Variants in PLEKHA5 observed in about 807,000 individuals in gnomAD.
PLEKHA5 encodes pleckstrin homology domain containing A5, also known as pleckstrin homology domain-containing family A member 5.
In PLEKHA5, 55 loss-of-function variants were observed where a neutral mutation model predicts 181.9. The ratio of observed to expected loss-of-function variants is 0.30; its 90% CI spans 0.24 to 0.38. The LOEUF is 0.38. Ranked by LOEUF, PLEKHA5 falls within the 10% of genes least tolerant of loss-of-function variation. The pLI is 1.00. For synonymous variants in PLEKHA5, 535 were observed against 529.4 expected (o/e 1.01, Z -0.15); for missense variants, 1,432 against 1,549.5 (o/e 0.92, Z 1.27).
intron 3 of PLEKHA5, among the ~76,000 whole-genome samples, chr12:19,252,881 G>A (rs1367369931): frequency 2.0e-5 from 3 of 151,342 alleles, no homozygotes; most frequent in East Asian, 3.9e-4. Context: ...GTACTGTTAG[G>A]TTTTCTTTCC....
chr12:19,370,034 C>A (rs1182660528), intron 31 of PLEKHA5, among the ~76,000 whole-genome samples: 2 of 152,220 alleles, frequency 1.3e-5, no homozygotes, highest in Admixed American at 1.3e-4. Context: ...TCCAGAAAAA[C>A]AACAAAATTT....
intron 15 of PLEKHA5, among the ~76,000 whole-genome samples, chr12:19,297,973 A>C (rs1350891218): frequency 6.6e-6 from 1 of 152,114 alleles, no homozygotes; most frequent in Non-Finnish European, 1.5e-5. Context: ...TGGGAGGCCA[A>C]GGTGGGTGGA....
At chr12:19,172,730 A>G (rs2046201826) in intron 3 of PLEKHA5, among the ~76,000 whole-genome samples, 1 of 152,160 alleles carries the variant, frequency 6.6e-6, no homozygotes, top group Admixed American at 6.5e-5. Flanking sequence ...CACCATCATT[A>G]TTCTTATTTT....
chr12:19,342,625 A>G (rs946590440), intron 21 of PLEKHA5, among the ~76,000 whole-genome samples: 1 of 151,960 alleles, frequency 6.6e-6, no homozygotes, highest in African/African-American at 2.4e-5. Context: ...CGTTGCACAA[A>G]ATACAAAAAT....
At position 19,245,826 on chromosome 12, in the gene PLEKHA5, T is replaced by A. The variant is rs545949361; in HGVS notation, c.228-8114T>A. On this transcript the variant is annotated intron_variant, in intron 3 of 31. Transcript: ENST00000429027. ...AGCAGCCACCTTGGGCTTGAGAGGA[T>A]GCCTAACTAAAAGGCACAGGGCAAC... Among the ~76,000 whole-genome samples, 25 of 150,538 alleles carry A rather than the reference T, an allele frequency of 1.7e-4. No individual in the cohort carries two copies. The South Asian group carries it at 5.3e-3, about 32-fold the overall frequency.
intron 3 of PLEKHA5, among the ~76,000 whole-genome samples, chr12:19,191,589 A>G (rs1311319173): frequency 6.6e-6 from 1 of 152,238 alleles, no homozygotes; most frequent in East Asian, 1.9e-4. Context: ...CTAATTAGAT[A>G]CAGGTATATC....
chr12:19,183,659 C>A (rs909312672), intron 3 of PLEKHA5, among the ~76,000 whole-genome samples: 4 of 152,124 alleles, frequency 2.6e-5, no homozygotes, highest in South Asian at 2.1e-4. Flanking sequence ...CTTGGTGTTT[C>A]AAGGAACAGC....
chr12:19,338,022 G>A (rs375045490), intron 21 of PLEKHA5, among the ~76,000 whole-genome samples: 25 of 143,356 alleles, frequency 1.7e-4, no homozygotes, highest in African/African-American at 6.6e-4. Flanking sequence ...CAAGGGCGAA[G>A]CTCCATCTCA....
intron 7 of PLEKHA5, among the ~76,000 whole-genome samples, chr12:19,265,193 A>C (rs2069922116): frequency 6.6e-6 from 1 of 152,232 alleles, no homozygotes; most frequent in Non-Finnish European, 1.5e-5. Flanking sequence ...TTGAGCATCT[A>C]CCACTGTCAT....
intron 3 of PLEKHA5, among the ~76,000 whole-genome samples, chr12:19,182,762 G>A (rs1034735184): frequency 6.6e-6 from 1 of 152,146 alleles, no homozygotes; most frequent in African/African-American, 2.4e-5. Flanking sequence ...AACCCAACAA[G>A]TATAATATTA....
At chr12:19,221,438 G>A (rs1388771438) in intron 3 of PLEKHA5, among the ~76,000 whole-genome samples, 1 of 152,082 alleles carries the variant, frequency 6.6e-6, no homozygotes, top group Non-Finnish European at 1.5e-5. Context: ...TCTGGAAATG[G>A]CAAAACTATA....
rs181742922 is a variant in PLEKHA5, at chr12:19,369,802, C to T, written c.*11+4C>T. The T allele has an allele frequency of 6.8e-5, 102 of 1,496,390 alleles. No homozygotes were observed. The East Asian group carries it at 1.2e-3, about 18-fold the overall frequency. 92.7% of individuals were successfully genotyped at this position (1,496,390 alleles called of 1,614,324 possible). A position where few individuals can be genotyped will look rare whatever the true frequency, so the allele number is the denominator to read the frequency against. ...TGTGTGTGTAGTCTTAGAAGAAGTA[C>T]GTCATTTCCCTTTGCATTTGTGCTT... On this transcript the variant is annotated splice_donor_region_variant and intron_variant, in intron 31 of 31. Transcript: ENST00000429027.
chr12:19,205,518 A>G (rs903359689), intron 3 of PLEKHA5: 1 of 244,328 alleles, frequency 4.1e-6, no homozygotes, highest in African/African-American at 2.3e-5. Flanking sequence ...GTATTTACTT[A>G]TATCTGCTGC....
intron 3 of PLEKHA5, among the ~76,000 whole-genome samples, chr12:19,214,066 A>G (rs2057479602): frequency 6.6e-6 from 1 of 152,198 alleles, no homozygotes; most frequent in Non-Finnish European, 1.5e-5. Flanking sequence ...TTAATAAGGA[A>G]TGGATTGAAC....
At chr12:19,159,724 G>C (rs2042540068) in intron 3 of PLEKHA5, among the ~76,000 whole-genome samples, 1 of 152,148 alleles carries the variant, frequency 6.6e-6, no homozygotes, top group East Asian at 1.9e-4. Context: ...ATTAGCATAG[G>C]TCTGCAGGTT....
At chr12:19,197,784 A>G (rs2053264771) in intron 3 of PLEKHA5, among the ~76,000 whole-genome samples, 1 of 151,426 alleles carries the variant, frequency 6.6e-6, no homozygotes, top group Non-Finnish European at 1.5e-5. Context: ...TATGCCAGTC[A>G]GCCATAAATC....
rs112745113 is a variant in PLEKHA5, at chr12:19,284,993, T to C, written c.1779+1248T>C. 4.5e-3 allele frequency among the ~76,000 whole-genome samples: 684 copies of C among 152,340 alleles called. 3 individuals are homozygous for C. Among genetic ancestry groups the C allele is most frequent in the African/African-American group, 0.016 (660 of 41,580 alleles). ...TTTTAAAATGCTCTTTTCTTATCCT[T>C]GTGACAAGCTGATTTCTTCAGCTGC... On this transcript the variant is annotated intron_variant, in intron 12 of 31. Coordinates refer to ENST00000429027, the MANE Select transcript of PLEKHA5 (RefSeq NM_001256470.2).
intron 3 of PLEKHA5, among the ~76,000 whole-genome samples, chr12:19,223,774 C>T (rs1309159280): frequency 2.0e-5 from 3 of 152,072 alleles, no homozygotes; most frequent in African/African-American, 7.2e-5. Context: ...GGGATCAGCT[C>T]AGTTAATGGG....
chr12:19,197,676 C>CTA (rs2053162548), intron 3 of PLEKHA5, among the ~76,000 whole-genome samples: 1 of 110,930 alleles, frequency 9.0e-6, no homozygotes, highest in Admixed American at 9.0e-5. Flanking sequence ...CTATCCGGTG[C>CTA]TGTGTGTGTG....
Sources: allele counts gnomAD v4.1 joint callset (sites outside exome capture counted in the v4.1 genomes callset), GRCh38; gene constraint gnomAD v4.1.1; transcripts MANE v1.5; gene names NCBI Gene and HGNC (gene_info 2026-07-23, HGNC 2026-07-21).